PCLO: variants seen among roughly 807,000 people sequenced by gnomAD.
The protein encoded by PCLO is piccolo presynaptic cytomatrix protein, also known as protein piccolo.
PCLO carries 82 observed loss-of-function variants against 427.5 expected under a neutral mutation model. The ratio of observed to expected loss-of-function variants is 0.19; its 90% CI spans 0.16 to 0.23. The LOEUF is 0.23. PCLO is among the 10% of genes least tolerant of loss of function. The pLI, the probability that PCLO is intolerant of heterozygous loss-of-function variation, is 1.00. For missense variants in PCLO, 6,239 were observed against 6,115.9 expected (o/e 1.02, Z -0.67); for synonymous variants, 2,357 against 2,155.4 (o/e 1.09, Z -2.59).
At chr7:83,146,520 A>T (rs1030112041) in intron 2 of PCLO, among the ~76,000 whole-genome samples, 1 of 152,142 alleles carries the variant, frequency 6.6e-6, no homozygotes, top group Non-Finnish European at 1.5e-5. Context: ...ACTGTTAGAT[A>T]TGTGTGTTTT....
In PCLO at chr7:82,902,712, G is replaced by C; in HGVS notation, c.13467C>G (p.His4489Gln). The change falls in exon 9 of 25, where the codon CAC (histidine) becomes CAG (glutamine). Residue 4489 changes from histidine to glutamine, a missense_variant. Around this residue, in one of 5 missense-constraint regions of PCLO, gnomAD observed 877 missense variants for 925.5 expected, o/e 0.95. Transcript: ENST00000333891. ...QIIQMNGKTM[H>Q]YIFPHARIKI... ...TTATCCTTGCGTGAGGAAAGATGTA[G>C]TGCATAGTTTTCCCGTTCATCTGTA... The C allele has an allele frequency of 6.3e-7, 1 of 1,599,824 alleles. No individual in the cohort carries two copies. The highest frequency in any genetic ancestry group is 2.2e-5 in the East Asian group (1 of 44,630).
intron 3 of PCLO, among the ~76,000 whole-genome samples, chr7:83,082,143 A>G (rs996337909): frequency 2.0e-5 from 3 of 151,436 alleles, no homozygotes; most frequent in African/African-American, 7.3e-5. Context: ...ACGCACACAC[A>G]TATGTAAAAT....
intron 3 of PCLO, among the ~76,000 whole-genome samples, chr7:82,994,432 G>C (rs2115863391): frequency 6.6e-6 from 1 of 152,078 alleles, no homozygotes; most frequent in East Asian, 1.9e-4. Flanking sequence ...GTAACGAAAA[G>C]GGTAAGGTGG....
At chr7:83,059,671 T>C (rs1319770055) in intron 3 of PCLO, among the ~76,000 whole-genome samples, 2 of 152,040 alleles carry the variant, frequency 1.3e-5, no homozygotes, top group African/African-American at 2.4e-5. Flanking sequence ...ATGGGATCCA[T>C]TCAGCTTGGT....
intron 22 of PCLO, among the ~76,000 whole-genome samples, chr7:82,788,383 A>AG (rs1350692149): frequency 2.1e-4 from 32 of 151,618 alleles, no homozygotes; most frequent in African/African-American, 7.5e-4. Flanking sequence ...AACTCAGTTA[A>AG]CTGCCTTACT....
chr7:82,761,723 T>A (rs1324602740), intron 22 of PCLO, among the ~76,000 whole-genome samples: 2 of 151,856 alleles, frequency 1.3e-5, no homozygotes. Flanking sequence ...ACAGATTCAT[T>A]TATTCAGATA....
chr7:82,797,600 A>G (rs56851765), intron 22 of PCLO, among the ~76,000 whole-genome samples: 1,543 of 152,268 alleles, frequency 0.01, 27 homozygotes, highest in African/African-American at 0.036. Flanking sequence ...TCTCACATAT[A>G]CTTCTAATTT....
At position 82,949,109 on chromosome 7, in the gene PCLO, T is replaced by G. The variant is rs552760865; in HGVS notation, c.11112+367A>C. On this transcript the variant is annotated intron_variant, in intron 6 of 24. Coordinates refer to ENST00000333891, the MANE Select transcript of PCLO (RefSeq NM_033026.6). ...CCTGAAAATGAATATTAATTATGTT[T>G]ACTGAAATCACAGCTACAGTTGATA... is the stretch of plus-strand genomic sequence containing the variant. 6.6e-5 allele frequency among the ~76,000 whole-genome samples: 10 copies of G among 152,334 alleles called. 1 individual carries two copies. The South Asian group carries it at 1.4e-3, about 22-fold the overall frequency.
Position 82,954,717 on chromosome 7 carries a change from C to T in PCLO, c.6236G>A (p.Gly2079Glu), listed in dbSNP as rs576675298. ...MKRQQMQLTP[G>E]SSPTQAPIGE... Reference sequence around the variant, plus strand: ...AATGGGGGCCTGGGTTGGGCTAGATCCAGGTGTTAATTGCATCTGTTGCCT... The same window carrying T: ...AATGGGGGCCTGGGTTGGGCTAGATTCAGGTGTTAATTGCATCTGTTGCCT... Residue 2079 changes from glycine (G) to glutamate (E), a missense_variant, in exon 5 of 25, where the codon GGA (glycine) becomes GAA (glutamate). Gly to Glu is a moderately conservative substitution (Grantham distance 98). Around this residue, in one of 5 missense-constraint regions of PCLO, gnomAD observed 4,677 missense variants for 4,468.4 expected, o/e 1.05. Transcript: ENST00000333891. The T allele has an allele frequency of 4.3e-6, 7 of 1,613,800 alleles. No individual in the cohort carries two copies. The South Asian group carries it at 7.7e-5, about 18-fold the overall frequency.
intron 3 of PCLO, among the ~76,000 whole-genome samples, chr7:83,106,664 T>C (rs1342314162): frequency 6.6e-6 from 1 of 152,144 alleles, no homozygotes; most frequent in Non-Finnish European, 1.5e-5. Context: ...TATGAAATAA[T>C]AAAATATCCA....
intron 3 of PCLO, among the ~76,000 whole-genome samples, chr7:83,016,913 T>C (rs1788223271): frequency 6.6e-6 from 1 of 152,066 alleles, no homozygotes; most frequent in Non-Finnish European, 1.5e-5. Context: ...CAATGGCAAT[T>C]CAAATGCCTT....
intron 22 of PCLO, among the ~76,000 whole-genome samples, chr7:82,793,482 C>T (rs914192925): frequency 6.6e-6 from 1 of 152,100 alleles, no homozygotes; most frequent in South Asian, 2.1e-4. Flanking sequence ...AGTTCACCTC[C>T]CTGGAGACAA....
chr7:83,038,067 ATATATTTATATATATATC>A (rs1788867983), intron 3 of PCLO, among the ~76,000 whole-genome samples: 1 of 52,268 alleles, frequency 1.9e-5, no homozygotes, highest in African/African-American at 7.1e-5. Flanking sequence ...ATATATATTT[ATATATTTATATATATATC>A]TTTATATATA....
chr7:82,954,394 A>C lies in PCLO; in HGVS notation c.6559T>G (p.Ser2187Ala). The change falls in exon 5 of 25, where the codon TCT (serine) becomes GCT (alanine). Residue 2187 changes from serine (S) to alanine (A), a missense_variant. Physicochemically the swap from Ser to Ala is moderately conservative, Grantham distance 99. Transcript: ENST00000333891. Reference sequence around the variant, plus strand: ...TCTGTGGTACAGACCGAAGAAACAGATGATGTGAGAGAAGGTGTGTCAGAG... The same window carrying C: ...TCTGTGGTACAGACCGAAGAAACAGCTGATGTGAGAGAAGGTGTGTCAGAG... ...PPSDTPSLTS[S>A]VSSVCTTDSS... 6.2e-7 allele frequency: 1 copy of C among 1,613,890 alleles called. No homozygotes were observed. The highest frequency in any genetic ancestry group is 8.5e-7 in the Non-Finnish European group (1 of 1,179,838).
Position 82,965,882 on chromosome 7 carries a change from T to C in PCLO, c.3906A>G (p.Thr1302=). 6.2e-7 allele frequency: 1 copy of C among 1,613,960 alleles called. No homozygotes were observed. The highest frequency in any genetic ancestry group is 8.5e-7 in the Non-Finnish European group (1 of 1,179,858). The change falls in exon 4 of 25, where the codon ACA becomes ACG. Residue 1302 remains threonine, a synonymous_variant. Transcript: ENST00000333891. ...CATCTTCTTTAGGTAAACTCTGAGG[T>C]GTGCCAGATGGTAAACCTTCCATCT... ...QTKMEGLPSG[T]PQSLPKEDDK...
rs1194187289 is a variant in PCLO, at chr7:83,134,644, G to T, written c.2906C>A (p.Ala969Asp). 6.2e-7 allele frequency: 1 copy of T among 1,613,874 alleles called. No homozygotes were observed. Among genetic ancestry groups the T allele is most frequent in the Non-Finnish European group, 8.5e-7 (1 of 1,179,852 alleles). ...GPGAPMKQAP[A>D]PSQPPTSQGP... Reference sequence around the variant, plus strand: ...TTGTGAAGTAGGTGGCTGTGAAGGGGCAGGGGCTTGTTTCATTGGGGCCCC... The same window carrying T: ...TTGTGAAGTAGGTGGCTGTGAAGGGTCAGGGGCTTGTTTCATTGGGGCCCC... The change falls in exon 3 of 25, where the codon GCC (alanine) becomes GAC (aspartate). Residue 969 changes from alanine to aspartate, a missense_variant. Around this residue, in one of 5 missense-constraint regions of PCLO, gnomAD observed 4,677 missense variants for 4,468.4 expected, o/e 1.05. Transcript: ENST00000333891.
intron 22 of PCLO, among the ~76,000 whole-genome samples, chr7:82,795,300 A>G (rs1315069923): frequency 6.6e-6 from 1 of 152,062 alleles, no homozygotes; most frequent in Admixed American, 6.6e-5. Flanking sequence ...CCATTTGCCC[A>G]TTTATCTATT....
At chr7:83,033,590 C>A (rs1788723564) in intron 3 of PCLO, among the ~76,000 whole-genome samples, 1 of 152,128 alleles carries the variant, frequency 6.6e-6, no homozygotes, top group Non-Finnish European at 1.5e-5. Flanking sequence ...GAAGCCTTTG[C>A]TGATAAACTA....
intron 22 of PCLO, among the ~76,000 whole-genome samples, chr7:82,789,079 A>G (rs867644058): frequency 4.6e-5 from 7 of 152,054 alleles, no homozygotes; most frequent in African/African-American, 1.4e-4. Context: ...TTAGTTATAT[A>G]AAAGTTTAAA....
Sources: allele counts gnomAD v4.1 joint callset (sites outside exome capture counted in the v4.1 genomes callset), GRCh38; gene constraint gnomAD v4.1.1; regional missense constraint gnomAD v4.1.1; transcripts MANE v1.5; gene names NCBI Gene and HGNC (gene_info 2026-07-23, HGNC 2026-07-21).